Variants in LRRC3 observed in about 807,000 individuals in gnomAD.
LRRC3 encodes the protein leucine rich repeat containing 3.
For synonymous variants in LRRC3, 172 were observed against 164.1 expected (o/e 1.05, Z -0.37); for missense variants, 351 against 361.6 (o/e 0.97, Z 0.24).
intron 1 of LRRC3, among the ~76,000 whole-genome samples, chr21:44,456,120 T>TC (rs2051697321): frequency 6.6e-6 from 1 of 152,080 alleles, no homozygotes; most frequent in Admixed American, 6.5e-5. Flanking sequence ...GCTGCAGCCG[T>TC]CACCGTCCTC....
Position 44,458,022 on chromosome 21 carries a change from C to G in LRRC3, c.*604C>G, listed in dbSNP as rs2051719883. On this transcript the variant is annotated 3_prime_UTR_variant, in exon 2 of 2. Transcript: ENST00000291592. ...GGGATGTGTAGCTCAAACAAACTGTCCTACCCTTTTTTATTCTCAAATGTT... is the reference window on the plus strand; with the variant it reads ...GGGATGTGTAGCTCAAACAAACTGTGCTACCCTTTTTTATTCTCAAATGTT... 1 of 167,404 alleles carries G rather than the reference C, an allele frequency of 6.0e-6. No homozygotes were observed. The highest frequency in any genetic ancestry group is 1.5e-5 in the Non-Finnish European group (1 of 68,390). 10.4% of individuals were successfully genotyped at this position (167,404 alleles called of 1,614,324 possible). A position where few individuals can be genotyped will look rare whatever the true frequency, so the allele number is the denominator to read the frequency against.
In LRRC3 at chr21:44,459,509, T is replaced by G. The variant is rs1052205672; in HGVS notation, c.*2091T>G. ...GCGTCCTCCTGCCACCCCTTCTCCA[T>G]GCCAGGGTGCCTGTGGTGGGTTTGC... On this transcript the variant is annotated 3_prime_UTR_variant, in exon 2 of 2. Coordinates refer to ENST00000291592, the MANE Select transcript of LRRC3 (RefSeq NM_030891.6). 1 of 152,332 alleles carries G rather than the reference T, an allele frequency of 6.6e-6. No individual in the cohort carries two copies. The highest frequency in any genetic ancestry group is 1.5e-5 in the Non-Finnish European group (1 of 68,136). The allele number at this position is 152,332 out of a possible 1,614,324, so 9.4% of individuals were successfully genotyped here.
rs1247956032 is a variant in LRRC3, at chr21:44,456,745, C to T, written c.101C>T (p.Pro34Leu). The change falls in exon 2 of 2, where the codon CCA becomes CTA. Residue 34 changes from proline (P) to leucine (L), a missense_variant. Pro to Leu is a moderately conservative substitution (Grantham distance 98). Transcript: ENST00000291592. ...LFCLHLGAAC[P>L]QPCRCPDHAG... ...TGCCTGCACCTGGGCGCCGCCTGCC[C>T]ACAGCCCTGCCGGTGCCCTGACCAC... 2.5e-6 allele frequency: 4 copies of T among 1,609,968 alleles called. No homozygotes were observed. Among genetic ancestry groups the T allele is most frequent in the Non-Finnish European group, 3.4e-6 (4 of 1,179,886 alleles).
chr21:44,456,443 G>C (rs557537071), intron 1 of LRRC3, 55 bp from the exon 2 acceptor site: 1 of 596,948 alleles, frequency 1.7e-6, no homozygotes, highest in African/African-American at 1.9e-5. Flanking sequence ...ACCGCAGCCG[G>C]CAGTGCTGAC....
At chr21:44,455,823 G>A (rs991637974) in intron 1 of LRRC3, among the ~76,000 whole-genome samples, 168 bp downstream of exon 1, 3 of 151,856 alleles carry the variant, frequency 2.0e-5, no homozygotes, top group African/African-American at 7.2e-5. Context: ...CCGGCTCCGC[G>A]CGCGGCCCCG....
rs577675305 is a variant in LRRC3 at position 44,456,735 on chromosome 21, G to A, written c.91G>A (p.Ala31Thr). 4 of 1,609,480 alleles carry A rather than the reference G, an allele frequency of 2.5e-6. No individual in the cohort carries two copies. Among genetic ancestry groups the A allele is most frequent in the Admixed American group, 1.7e-5 (1 of 60,006 alleles). Reference protein sequence around the residue: ...LFLLFCLHLGAACPQPCRCPD... With the variant: ...LFLLFCLHLGTACPQPCRCPD... ...CCTCCTCTTCTGCCTGCACCTGGGC[G>A]CCGCCTGCCCACAGCCCTGCCGGTG... is the stretch of plus-strand genomic sequence containing the variant. Residue 31 changes from alanine (A) to threonine (T), a missense_variant, in exon 2 of 2, where the codon GCC (alanine) becomes ACC (threonine). Physicochemically the swap from Ala to Thr is moderately conservative, Grantham distance 58. Transcript: ENST00000291592.
rs186514061 is a variant in LRRC3, at chr21:44,457,408, C to T, written c.764C>T (p.Pro255Leu). 1.9e-3 allele frequency: 2,993 copies of T among 1,583,914 alleles called. 7 individuals are homozygous for T. The highest frequency in any genetic ancestry group is 2.2e-3 in the Non-Finnish European group (2,522 of 1,160,476). ...SAPASKDPIG[P>L]GP ...CCCGCCTCCAAGGACCCCATCGGCC[C>T]GGGGCCCTAGCGCCTGTTCCGGCAG... Residue 255 changes from proline (P) to leucine (L), a missense_variant, in exon 2 of 2, where the codon CCG becomes CTG. Coordinates refer to ENST00000291592, the MANE Select transcript of LRRC3 (RefSeq NM_030891.6).
chr21:44,456,421 G>A (rs1291781548), intron 1 of LRRC3, 77 bp from the exon 2 acceptor site: 4 of 569,380 alleles, frequency 7.0e-6, no homozygotes, highest in African/African-American at 3.8e-5. Flanking sequence ...CAGTGGACGC[G>A]TTTCCCAGGT....
rs1430095355 is a variant in LRRC3, at chr21:44,461,892, G to T, written c.*4474G>T. ...GCACGGAGGGCGGCGCGGAGTCCTG[G>T]ACGCTCTTGGCAGGTCCCCTCATGG... On this transcript the variant is annotated 3_prime_UTR_variant, in exon 2 of 2. Transcript: ENST00000291592. The T allele has an allele frequency of 6.6e-6, 1 of 152,554 alleles. No individual in the cohort carries two copies. The highest frequency in any genetic ancestry group is 2.4e-5 in the African/African-American group (1 of 41,470). 9.5% of individuals were successfully genotyped at this position (152,554 alleles called of 1,614,324 possible).
chr21:44,457,731 C>T lies in LRRC3; in HGVS notation c.*313C>T, dbSNP rs946694891. ...TTCCACCATGCCAGCCTCTCCCACACGGGGCCCTGCAGGCTGTGGATATGC... is the reference window on the plus strand; with the variant it reads ...TTCCACCATGCCAGCCTCTCCCACATGGGGCCCTGCAGGCTGTGGATATGC... On this transcript the variant is annotated 3_prime_UTR_variant, in exon 2 of 2. Coordinates refer to ENST00000291592, the MANE Select transcript of LRRC3 (RefSeq NM_030891.6). 11 of 397,948 alleles carry T rather than the reference C, an allele frequency of 2.8e-5. No individual in the cohort carries two copies. Among genetic ancestry groups the T allele is most frequent in the African/African-American group, 1.7e-4 (8 of 48,372 alleles). 24.7% of individuals were successfully genotyped at this position (397,948 alleles called of 1,614,324 possible).
rs1206515801 is a variant in LRRC3, at chr21:44,461,914, A to C, written c.*4496A>C. 1 of 152,498 alleles carries C rather than the reference A, an allele frequency of 6.6e-6. No homozygotes were observed. Among genetic ancestry groups the C allele is most frequent in the Non-Finnish European group, 1.5e-5 (1 of 68,268 alleles). 9.4% of individuals were successfully genotyped at this position (152,498 alleles called of 1,614,324 possible). On this transcript the variant is annotated 3_prime_UTR_variant, in exon 2 of 2. Transcript: ENST00000291592. Reference sequence around the variant, plus strand: ...CTGGACGCTCTTGGCAGGTCCCCTCATGGAGGATGTGGGGGATTGGCTTAG... The same window carrying C: ...CTGGACGCTCTTGGCAGGTCCCCTCCTGGAGGATGTGGGGGATTGGCTTAG...
rs754202760 is a variant in LRRC3 at position 44,456,858 on chromosome 21, G to A, written c.214G>A (p.Asp72Asn). The change falls in exon 2 of 2, where the codon GAT becomes AAT. Residue 72 changes from aspartate (D) to asparagine (N), a missense_variant. By Grantham distance (23) the Asp-to-Asn change is conservative (BLOSUM62 1). Coordinates refer to ENST00000291592, the MANE Select transcript of LRRC3 (RefSeq NM_030891.6). ...GGCCAACACCGTGCTCCTGAAGCTC[G>A]ATGCCAACAAGATCTCCCACCTCCC... ...IPANTVLLKL[D>N]ANKISHLPDG... 6.8e-6 allele frequency: 11 copies of A among 1,610,168 alleles called. No homozygotes were observed. Among genetic ancestry groups the A allele is most frequent in the Non-Finnish European group, 9.3e-6 (11 of 1,177,892 alleles).
In LRRC3 at chr21:44,457,394, G is replaced by A. The variant is rs1185101124; in HGVS notation, c.750G>A (p.Lys250=). The A allele has an allele frequency of 1.9e-6, 3 of 1,595,606 alleles. No individual in the cohort carries two copies. In the African/African-American group the frequency reaches 4.0e-5, roughly 21 times the overall value. The change falls in exon 2 of 2, where the codon AAG becomes AAA. Residue 250 remains lysine (K), a synonymous_variant. Coordinates refer to ENST00000291592, the MANE Select transcript of LRRC3 (RefSeq NM_030891.6). ...LKSLPSAPAS[K]DPIGPGP The stretch of plus-strand genomic sequence containing the variant: ...CTCTGCCCAGCGCCCCCGCCTCCAA[G>A]GACCCCATCGGCCCGGGGCCCTAGC...
rs2051701335 is a variant in LRRC3 at position 44,456,558 on chromosome 21, G to C, written c.-87G>C. The C allele has an allele frequency of 1.4e-6, 2 of 1,406,644 alleles. No individual in the cohort carries two copies. The highest frequency in any genetic ancestry group is 1.9e-6 in the Non-Finnish European group (2 of 1,044,558). 87.1% of individuals were successfully genotyped at this position (1,406,644 alleles called of 1,614,324 possible). ...GGGCAGGATGGCGGTTTCATGTCTG[G>C]TTGGATAAGGCCTTGCCTGCGGAAA... On this transcript the variant is annotated 5_prime_UTR_variant, in exon 2 of 2. Coordinates refer to ENST00000291592, the MANE Select transcript of LRRC3 (RefSeq NM_030891.6).
At position 44,456,565 on chromosome 21, in the gene LRRC3, A is replaced by G. The variant is rs910373887; in HGVS notation, c.-80A>G. 1.4e-6 allele frequency: 2 copies of G among 1,435,984 alleles called. No homozygotes were observed. The highest frequency in any genetic ancestry group is 1.4e-5 in the African/African-American group (1 of 70,630). 89.0% of individuals were successfully genotyped at this position (1,435,984 alleles called of 1,614,324 possible). A position where few individuals can be genotyped will look rare whatever the true frequency, so the allele number is the denominator to read the frequency against. ...ATGGCGGTTTCATGTCTGGTTGGATAAGGCCTTGCCTGCGGAAACCAGCTC... is the reference window on the plus strand; with the variant it reads ...ATGGCGGTTTCATGTCTGGTTGGATGAGGCCTTGCCTGCGGAAACCAGCTC... On this transcript the variant is annotated 5_prime_UTR_variant, in exon 2 of 2. In the 5' UTR this introduces an upstream ATG that the reference lacks. Coordinates refer to ENST00000291592, the MANE Select transcript of LRRC3 (RefSeq NM_030891.6).
rs374190254 is a variant in LRRC3, at chr21:44,457,634, C to T, written c.*216C>T. On this transcript the variant is annotated 3_prime_UTR_variant, in exon 2 of 2. Coordinates refer to ENST00000291592, the MANE Select transcript of LRRC3 (RefSeq NM_030891.6). ...AGCTTAGAGGAACGGAATGACTGCC[C>T]GTGACGATACCATCAGGAAATTATC... 195 of 579,312 alleles carry T rather than the reference C, an allele frequency of 3.4e-4. No individual in the cohort carries two copies. Among genetic ancestry groups the T allele is most frequent in the Non-Finnish European group, 5.6e-4 (182 of 323,358 alleles). 35.9% of individuals were successfully genotyped at this position (579,312 alleles called of 1,614,324 possible).
rs61735245 is a variant in LRRC3 at position 44,457,136 on chromosome 21, C to T, written c.492C>T (p.Pro164=). ...CCCTGTGGGAGCTGAAGCTGGACCC[C>T]GACTCTGTGGACGAGATCGCCTGCC... ...QEALWELKLD[P]DSVDEIACHT... The change falls in exon 2 of 2, where the codon CCC becomes CCT. Residue 164 remains proline, a synonymous_variant. Coordinates refer to ENST00000291592, the MANE Select transcript of LRRC3 (RefSeq NM_030891.6). 536 of 1,612,900 alleles carry T rather than the reference C, an allele frequency of 3.3e-4. 1 individual carries two copies. The highest frequency in any genetic ancestry group is 1.3e-3 in the Middle Eastern group (8 of 6,060).
Position 44,457,092 on chromosome 21 carries a change from G to C in LRRC3, c.448G>C (p.Glu150Gln). 1.2e-6 allele frequency: 2 copies of C among 1,610,730 alleles called. No individual in the cohort carries two copies. Among genetic ancestry groups the C allele is most frequent in the Non-Finnish European group, 1.7e-6 (2 of 1,179,976 alleles). Reference sequence around the variant, plus strand: ...CCTGTCCCACAACCCCCTGCACTGCGAGTGCGCCCTGCAGGAGGCCCTGTG... The same window carrying C: ...CCTGTCCCACAACCCCCTGCACTGCCAGTGCGCCCTGCAGGAGGCCCTGTG... Reference protein sequence around the residue: ...IRLSHNPLHCECALQEALWEL... With the variant: ...IRLSHNPLHCQCALQEALWEL... The change falls in exon 2 of 2, where the codon GAG becomes CAG. Residue 150 changes from glutamate (E) to glutamine (Q), a missense_variant. Coordinates refer to ENST00000291592, the MANE Select transcript of LRRC3 (RefSeq NM_030891.6).
chr21:44,455,784 G>T (rs2051694222), intron 1 of LRRC3, 129 bp downstream of exon 1: 1 of 152,054 alleles, frequency 6.6e-6, no homozygotes, highest in Non-Finnish European at 1.5e-5. Context: ...CTAAAGGCTG[G>T]AGGTCCTGGG....
Sources: gnomAD v4.1 joint callset for allele counts (sites outside exome capture counted in the v4.1 genomes callset) on GRCh38, gnomAD v4.1.1 for gene constraint, MANE v1.5 for transcripts, NCBI Gene and HGNC (gene_info 2026-07-23, HGNC 2026-07-21) for gene names.